ELAVL4: variants seen among roughly 807,000 people sequenced by gnomAD.
ELAVL4 encodes the protein ELAV like RNA binding protein 4.
In ELAVL4, 1 loss-of-function variant was observed where a neutral mutation model predicts 35.6. The ratio of observed to expected loss-of-function variants is 0.03; its 90% CI spans 0.01 to 0.13. ELAVL4 has a LOEUF of 0.13. Among genes scored for constraint, ELAVL4 ranks in the 10% least tolerant of loss-of-function variants. The pLI is 1.00. For missense variants in ELAVL4, 267 were observed against 464.9 expected (o/e 0.57, Z 3.91); for synonymous variants, 156 against 171.0 (o/e 0.91, Z 0.69).
chr1:50,184,527 G>A (rs11580961), intron 3 of ELAVL4, among the ~76,000 whole-genome samples: 8,977 of 152,018 alleles, frequency 0.059, 616 homozygotes, highest in East Asian at 0.34. Flanking sequence ...TCCCATTCTC[G>A]GCTTCATATT....
At chr1:50,070,065 A>G (rs922666826) in intron 1 of ELAVL4, among the ~76,000 whole-genome samples, 3 of 152,212 alleles carry the variant, frequency 2.0e-5, no homozygotes, top group African/African-American at 7.2e-5. Flanking sequence ...CTAGCATAGA[A>G]TTGATATATT....
At chr1:50,109,847 G>T (rs1000921293) in intron 1 of ELAVL4, 103 of 1,541,452 alleles carry the variant, frequency 6.7e-5, no homozygotes, top group Non-Finnish European at 8.9e-5. Flanking sequence ...CCTTCTCTGG[G>T]CAGCAGCTCT....
chr1:50,139,867 T>C (rs934085063), intron 1 of ELAVL4, among the ~76,000 whole-genome samples: 7 of 151,992 alleles, frequency 4.6e-5, no homozygotes, highest in Admixed American at 3.3e-4. Context: ...AAAAGAGTGG[T>C]GGGAGGGGTG....
chr1:50,171,703 G>A (rs966300262), intron 2 of ELAVL4, among the ~76,000 whole-genome samples: 1 of 152,176 alleles, frequency 6.6e-6, no homozygotes, highest in Non-Finnish European at 1.5e-5. Context: ...AGGTTATACA[G>A]CAAGTAGTTT....
intron 1 of ELAVL4, among the ~76,000 whole-genome samples, chr1:50,073,573 A>G (rs1664627468): frequency 2.0e-5 from 3 of 152,188 alleles, no homozygotes; most frequent in Admixed American, 2.0e-4. Flanking sequence ...CAAAATCAAT[A>G]ATATGCATTA....
rs369279376 is a variant in ELAVL4, at chr1:50,187,671, C to A, written c.355-6094C>A. 9.2e-5 allele frequency among the ~76,000 whole-genome samples: 14 copies of A among 152,302 alleles called. 1 individual carries two copies. The highest frequency in any genetic ancestry group is 3.4e-4 in the African/African-American group (14 of 41,550). ...ACCCAATACTCTAACTAGCACCTAT[C>A]AATGAGACCCATAGGATAAGGGGTG... On this transcript the variant is annotated intron_variant, in intron 3 of 6. Transcript: ENST00000371824.
intron 6 of ELAVL4, among the ~76,000 whole-genome samples, chr1:50,199,893 G>A (rs189228222): frequency 1.3e-5 from 2 of 152,170 alleles, no homozygotes; most frequent in Admixed American, 1.3e-4. Context: ...AGAATTTAAA[G>A]GGTCATTTTT....
At chr1:50,154,931 G>A (rs1162545321) in intron 2 of ELAVL4, among the ~76,000 whole-genome samples, 2 of 151,976 alleles carry the variant, frequency 1.3e-5, no homozygotes, top group Non-Finnish European at 2.9e-5. Context: ...AGAAGGAAAT[G>A]GATATAGAAT....
At chr1:50,088,746 C>T (rs1230363097) in intron 1 of ELAVL4, among the ~76,000 whole-genome samples, 2 of 152,106 alleles carry the variant, frequency 1.3e-5, no homozygotes, top group African/African-American at 4.8e-5. Flanking sequence ...AGACAGGCTC[C>T]TTCAATCACT....
chr1:50,099,938 A>G (rs1367090288), upstream of ELAVL4, among the ~76,000 whole-genome samples: 1 of 152,252 alleles, frequency 6.6e-6, no homozygotes, highest in Non-Finnish European at 1.5e-5. Flanking sequence ...TTAAATGTCA[A>G]TAGAAGTCAA....
rs1303937161 is a variant in ELAVL4, at chr1:50,201,056, G to A, written c.979G>A (p.Gly327Ser). The change falls in exon 7 of 7, where the codon GGC (glycine) becomes AGC (serine). Residue 327 changes from glycine to serine, a missense_variant. This residue lies in a region of ELAVL4 where 216 missense variants were observed against 409.5 expected (regional missense o/e 0.53). Transcript: ENST00000371824. The surrounding 1 kb of genome is among the most constrained non-coding windows in gnomAD (Gnocchi z 4.3). ...CAACACCAACAAGTGCAAGGGATTC[G>A]GCTTTGTCACCATGACCAACTATGA... ...DFNTNKCKGF[G>S]FVTMTNYDEA... 1 of 1,613,998 alleles carries A rather than the reference G, an allele frequency of 6.2e-7. No individual in the cohort carries two copies. Among genetic ancestry groups the A allele is most frequent in the Non-Finnish European group, 8.5e-7 (1 of 1,179,980 alleles).
chr1:50,148,185 T>C (rs920547988), intron 2 of ELAVL4, among the ~76,000 whole-genome samples: 1 of 152,174 alleles, frequency 6.6e-6, no homozygotes, highest in Non-Finnish European at 1.5e-5. Flanking sequence ...CCAGGCAGCA[T>C]AGTTATTAGC....
At chr1:50,068,808 G>A (rs1664383801) in intron 1 of ELAVL4, among the ~76,000 whole-genome samples, 1 of 152,134 alleles carries the variant, frequency 6.6e-6, no homozygotes, top group African/African-American at 2.4e-5. Context: ...CAAAAAGAAT[G>A]ATCTATTCTG....
intron 1 of ELAVL4, among the ~76,000 whole-genome samples, chr1:50,053,096 T>G (rs766741119): frequency 2.6e-5 from 4 of 152,210 alleles, no homozygotes; most frequent in Admixed American, 1.3e-4. Context: ...TGATACTTGA[T>G]CTTATGTTTC....
At chr1:50,111,357 A>T (rs550116407) in intron 1 of ELAVL4, among the ~76,000 whole-genome samples, 1 of 152,190 alleles carries the variant, frequency 6.6e-6, no homozygotes, top group East Asian at 1.9e-4. Flanking sequence ...AGTTGACGGA[A>T]GCATAATAGT....
At chr1:50,142,827 C>T (rs1163103072) in intron 1 of ELAVL4, among the ~76,000 whole-genome samples, 1 of 152,128 alleles carries the variant, frequency 6.6e-6, no homozygotes, top group African/African-American at 2.4e-5. Context: ...ACGCTCATAG[C>T]AGCATTATCT....
At chr1:50,086,324 T>A (rs1665239168) in intron 1 of ELAVL4, among the ~76,000 whole-genome samples, 2 of 152,056 alleles carry the variant, frequency 1.3e-5, no homozygotes, top group Non-Finnish European at 2.9e-5. Context: ...GTTGAAATTG[T>A]ATGAAATGTA....
At chr1:50,055,678 A>C (rs1036611630) in intron 1 of ELAVL4, among the ~76,000 whole-genome samples, 2 of 152,008 alleles carry the variant, frequency 1.3e-5, no homozygotes, top group Non-Finnish European at 2.9e-5. Flanking sequence ...TTGACCTTCA[A>C]AATTCTATAT....
chr1:50,097,453 C>G (rs1046939376), intron 1 of ELAVL4, among the ~76,000 whole-genome samples: 1 of 152,162 alleles, frequency 6.6e-6, no homozygotes, highest in Non-Finnish European at 1.5e-5. Flanking sequence ...TTAGAACTGG[C>G]AGAGACTTCA....
Sources: gnomAD v4.1 joint callset for allele counts (sites outside exome capture counted in the v4.1 genomes callset) on GRCh38, gnomAD v4.1.1 for gene constraint, gnomAD v4.1.1 regional missense constraint, Gnocchi (gnomAD v3.1) non-coding constraint, MANE v1.5 for transcripts, NCBI Gene and HGNC (gene_info 2026-07-23, HGNC 2026-07-21) for gene names.